Variants in TNNI3K observed in about 807,000 individuals in gnomAD.
TNNI3K encodes the protein TNNI3 interacting kinase.
In TNNI3K, 140 loss-of-function variants were observed where a neutral mutation model predicts 114.5. The observed-to-expected ratio is 1.22, with a 90% CI of 1.07 to 1.41. TNNI3K has a LOEUF of 1.41. TNNI3K is among the 40% of genes most tolerant of loss of function. The pLI is 0.00. For missense variants in TNNI3K, 1,125 were observed against 1,007.6 expected, an observed-to-expected ratio of 1.12 and a Z score of -1.58; for synonymous variants, 347 against 347.5, an observed-to-expected ratio of 1.00 and a Z score of 0.02.
chr1:74,338,625 G>T (rs907292378), intron 7 of TNNI3K, among the ~76,000 whole-genome samples: 1 of 151,928 alleles, frequency 6.6e-6, no homozygotes, highest in Non-Finnish European at 1.5e-5. Context: ...CAGTTCCTTG[G>T]TTCAAAATTC....
chr1:74,297,044 T>C (rs902388828), intron 5 of TNNI3K, among the ~76,000 whole-genome samples: 7 of 152,198 alleles, frequency 4.6e-5, no homozygotes, highest in African/African-American at 1.7e-4. Context: ...TCTTAAAATA[T>C]TGCTTTATGT....
intron 23 of TNNI3K, among the ~76,000 whole-genome samples, chr1:74,507,698 T>C (rs1314806532): frequency 6.6e-6 from 1 of 152,178 alleles, no homozygotes; most frequent in Non-Finnish European, 1.5e-5. Context: ...AGTTCTATGG[T>C]GAGAATTTCA....
chr1:74,438,187 C>T (rs1282127182), intron 19 of TNNI3K, among the ~76,000 whole-genome samples: 8 of 151,540 alleles, frequency 5.3e-5, no homozygotes, highest in Admixed American at 5.3e-4. Flanking sequence ...AGTCTATGAC[C>T]CCTCTGTGCA....
At chr1:74,376,504 A>G (rs1393580995) in intron 17 of TNNI3K, 2 of 152,052 alleles carry the variant, frequency 1.3e-5, no homozygotes, top group African/African-American at 4.8e-5. Flanking sequence ...CCATACTTAT[A>G]AAAGTCCTGC....
chr1:74,304,259 A>G (rs1658493342), intron 5 of TNNI3K, among the ~76,000 whole-genome samples: 1 of 152,186 alleles, frequency 6.6e-6, no homozygotes. Flanking sequence ...GAGTCAATCA[A>G]TGTGGCAAAC....
At chr1:74,457,055 A>G (rs569789282) in intron 20 of TNNI3K, among the ~76,000 whole-genome samples, 1 of 152,272 alleles carries the variant, frequency 6.6e-6, no homozygotes, top group East Asian at 1.9e-4. Context: ...TAATAACTTC[A>G]TAGGATACAA....
At chr1:74,433,325 G>T (rs1459251373) in intron 17 of TNNI3K, among the ~76,000 whole-genome samples, 1 of 152,052 alleles carries the variant, frequency 6.6e-6, no homozygotes, top group African/African-American at 2.4e-5. Context: ...CACTGAAGCT[G>T]TCACTGTGAC....
chr1:74,500,780 AG>A (rs1459734432), intron 23 of TNNI3K, among the ~76,000 whole-genome samples: 3 of 151,742 alleles, frequency 2.0e-5, no homozygotes, highest in Admixed American at 2.0e-4. Context: ...CTGCACCTTC[AG>A]GGGGAAAATG....
intron 5 of TNNI3K, among the ~76,000 whole-genome samples, chr1:74,328,298 G>A (rs773909235): frequency 4.8e-4 from 73 of 151,678 alleles, no homozygotes; most frequent in Admixed American, 8.5e-4. Flanking sequence ...AGAGTGTGAA[G>A]TTGATTTACC....
intron 20 of TNNI3K, among the ~76,000 whole-genome samples, chr1:74,459,493 A>G (rs1240788812): frequency 6.6e-6 from 1 of 152,246 alleles, no homozygotes; most frequent in Non-Finnish European, 1.5e-5. Flanking sequence ...GTAGGGGAGA[A>G]CATTCCAGGC....
At chr1:74,282,992 T>A (rs1006182545) in intron 5 of TNNI3K, among the ~76,000 whole-genome samples, 4 of 152,230 alleles carry the variant, frequency 2.6e-5, no homozygotes, top group Non-Finnish European at 5.9e-5. Context: ...ATGTCACTAA[T>A]GATTGATAGG....
chr1:74,391,482 C>G (rs1393217942), intron 17 of TNNI3K, among the ~76,000 whole-genome samples: 7 of 152,026 alleles, frequency 4.6e-5, no homozygotes, highest in Admixed American at 1.3e-4. Flanking sequence ...AATAGGCAGA[C>G]ACAGGTGAGA....
chr1:74,284,757 C>G (rs550527861), intron 5 of TNNI3K, among the ~76,000 whole-genome samples: 4 of 152,258 alleles, frequency 2.6e-5, no homozygotes, highest in East Asian at 1.9e-4. Context: ...AAAATCAGAC[C>G]TTGGCGATGA....
At chr1:74,475,885 C>T (rs1668181272) in intron 21 of TNNI3K, 2 of 532,992 alleles carry the variant, frequency 3.8e-6, no homozygotes, top group Admixed American at 6.9e-5. Flanking sequence ...GTAAAAACCA[C>T]AAATATAAAG....
At chr1:74,404,855 G>A (rs961537216) in intron 17 of TNNI3K, among the ~76,000 whole-genome samples, 2 of 152,182 alleles carry the variant, frequency 1.3e-5, no homozygotes, top group Admixed American at 1.3e-4. Context: ...GCCCTAAGGG[G>A]CAACCAGAGC....
At chr1:74,390,870 C>T (rs1252726897) in intron 17 of TNNI3K, among the ~76,000 whole-genome samples, 1 of 150,580 alleles carries the variant, frequency 6.6e-6, no homozygotes, top group Non-Finnish European at 1.5e-5. Flanking sequence ...CAGCTCCATC[C>T]TGGTAAAGAT....
At chr1:74,530,781 G>T (rs1313415410) in intron 23 of TNNI3K, among the ~76,000 whole-genome samples, 5 of 149,206 alleles carry the variant, frequency 3.4e-5, no homozygotes, top group African/African-American at 1.2e-4. Context: ...GAAAGATTTT[G>T]CTATAGAGTA....
At chr1:74,512,301 C>T (rs1670269120) in intron 23 of TNNI3K, among the ~76,000 whole-genome samples, 1 of 152,126 alleles carries the variant, frequency 6.6e-6, no homozygotes, top group South Asian at 2.1e-4. Context: ...TAGAGCTCCA[C>T]CTTGAACCCA....
chr1:74,418,919 T>G (rs1665263834), intron 17 of TNNI3K, among the ~76,000 whole-genome samples: 1 of 152,112 alleles, frequency 6.6e-6, no homozygotes, highest in Non-Finnish European at 1.5e-5. Flanking sequence ...CAAAGAGGCA[T>G]TTAGATGCTT....
Sources: gnomAD v4.1 joint callset for allele counts (sites outside exome capture counted in the v4.1 genomes callset) on GRCh38, gnomAD v4.1.1 for gene constraint, MANE v1.5 for transcripts, NCBI Gene and HGNC (gene_info 2026-07-23, HGNC 2026-07-21) for gene names.